USP13: variants seen among roughly 807,000 people sequenced by gnomAD.
USP13 encodes the protein ubiquitin carboxyl-terminal hydrolase 13.
In USP13, 68 loss-of-function variants were observed where a neutral mutation model predicts 107.8. The observed-to-expected ratio is 0.63, with a 90% CI of 0.52 to 0.77. The LOEUF is 0.77. USP13 is among the 30% of genes least tolerant of loss of function. The pLI, the probability that USP13 is intolerant of heterozygous loss-of-function variation, is 0.00. For missense variants in USP13, 945 were observed against 1,093.3 expected (o/e 0.86, Z 1.91); for synonymous variants, 377 against 389.5 (o/e 0.97, Z 0.38).
chr3:179,746,187 A>G (rs1247241077), intron 13 of USP13, among the ~76,000 whole-genome samples: 1 of 147,374 alleles, frequency 6.8e-6, no homozygotes, highest in East Asian at 1.9e-4. Flanking sequence ...CTATATATAT[A>G]TATATAAAAT....
chr3:179,658,111 C>T (rs545349145), intron 1 of USP13, among the ~76,000 whole-genome samples: 52 of 152,198 alleles, frequency 3.4e-4, no homozygotes, highest in Admixed American at 1.4e-3. Flanking sequence ...CCCACCACCA[C>T]GCCTGGCTAA....
chr3:179,765,097 T>A (rs994250522), intron 18 of USP13, among the ~76,000 whole-genome samples: 1 of 152,214 alleles, frequency 6.6e-6, no homozygotes, highest in African/African-American at 2.4e-5. Flanking sequence ...GATGGAAATA[T>A]TTTTATGGTC....
At position 179,742,182 on chromosome 3, in the gene USP13, C is replaced by T. The variant is rs757359622; in HGVS notation, c.1381-15C>T. On this transcript the variant is annotated splice_polypyrimidine_tract_variant and intron_variant, in intron 11 of 20. Transcript: ENST00000263966. This position sits in a 1 kb window ranked among gnomAD's most constrained non-coding sequence, Gnocchi z 5.0. The stretch of plus-strand genomic sequence containing the variant: ...TATTCATACATTTACTAACCTGATA[C>T]AATCCATCCTTCAGAGGAACCGCAT... The T allele has an allele frequency of 1.2e-6, 2 of 1,614,140 alleles. No homozygotes were observed. The highest frequency in any genetic ancestry group is 1.1e-5 in the South Asian group (1 of 91,076).
intron 1 of USP13, among the ~76,000 whole-genome samples, chr3:179,657,914 G>A (rs1199629087): frequency 6.6e-6 from 1 of 152,090 alleles, no homozygotes; most frequent in East Asian, 1.9e-4. Context: ...AAGCCTCCCT[G>A]GACCAGCATG....
intron 1 of USP13, among the ~76,000 whole-genome samples, chr3:179,657,033 A>G (rs1720285476): frequency 2.0e-5 from 3 of 152,214 alleles, no homozygotes; most frequent in Admixed American, 2.0e-4. Context: ...GTCGTGAAGG[A>G]GAGAGCCCAG....
At chr3:179,686,609 ATCTT>A (rs1487249649) in intron 2 of USP13, among the ~76,000 whole-genome samples, 1 of 152,180 alleles carries the variant, frequency 6.6e-6, no homozygotes, top group African/African-American at 2.4e-5. Flanking sequence ...CCACACAACC[ATCTT>A]TCTAATTTGT....
intron 10 of USP13, among the ~76,000 whole-genome samples, chr3:179,733,699 A>G (rs1220961904): frequency 1.3e-5 from 2 of 152,210 alleles, no homozygotes; most frequent in African/African-American, 4.8e-5. Flanking sequence ...GGGAGAGAGC[A>G]TGAAGGATGG....
chr3:179,654,758 T>G (rs970921154), intron 1 of USP13, among the ~76,000 whole-genome samples: 2 of 152,318 alleles, frequency 1.3e-5, no homozygotes, highest in Admixed American at 6.5e-5. Context: ...AGCGGCAACA[T>G]TTCCAAAGTT....
In USP13 at chr3:179,721,890, C is replaced by A. The variant is rs188670652; in HGVS notation, c.1088+301C>A. Among the ~76,000 whole-genome samples, 314 of 151,816 alleles carry A rather than the reference C, an allele frequency of 2.1e-3. 1 individual carries two copies. The highest frequency in any genetic ancestry group is 0.014 in the Middle Eastern group (4 of 294). On this transcript the variant is annotated intron_variant, in intron 8 of 20. Coordinates refer to ENST00000263966, the MANE Select transcript of USP13 (RefSeq NM_003940.3). This position sits in a 1 kb window ranked among gnomAD's most constrained non-coding sequence, Gnocchi z 4.3. ...TTCAAGACCAGCCTGACCAACATGA[C>A]GAAACCCGTCTCTACTAAAAATACA...
At chr3:179,688,147 A>G (rs1711952737) in intron 2 of USP13, among the ~76,000 whole-genome samples, 1 of 146,908 alleles carries the variant, frequency 6.8e-6, no homozygotes, top group East Asian at 2.0e-4. Flanking sequence ...CCATCCATCC[A>G]TCCGTATATC....
At chr3:179,704,818 A>G (rs1488704830) in intron 4 of USP13, among the ~76,000 whole-genome samples, 1 of 152,166 alleles carries the variant, frequency 6.6e-6, no homozygotes, top group Non-Finnish European at 1.5e-5. Flanking sequence ...AATGGATTAT[A>G]AGCTTGTTGA....
rs770943616 is a variant in USP13, at chr3:179,682,052, G to A, written c.294+49G>A. ...CTGGCCTTGATGTCTTCCCTGTAAC[G>A]TTGTCTCAGTGTGCTTTCTCACGTG... On this transcript the variant is annotated intron_variant, in intron 2 of 20. Coordinates refer to ENST00000263966, the MANE Select transcript of USP13 (RefSeq NM_003940.3). 1.6e-5 allele frequency: 25 copies of A among 1,565,184 alleles called. No individual in the cohort carries two copies. In the South Asian group the frequency reaches 1.8e-4, roughly 11 times the overall value.
intron 19 of USP13, among the ~76,000 whole-genome samples, chr3:179,775,379 T>A (rs1365377231): frequency 6.6e-6 from 1 of 152,208 alleles, no homozygotes; most frequent in East Asian, 1.9e-4. Context: ...GAGTGCTGAT[T>A]GGTGCATATA....
chr3:179,728,202 G>A (rs1203444006), intron 8 of USP13, among the ~76,000 whole-genome samples: 17 of 144,192 alleles, frequency 1.2e-4, no homozygotes, highest in African/African-American at 4.3e-4. Context: ...GCGGGGGGCT[G>A]ACCCCCCCAC....
At chr3:179,744,919 G>A in intron 12 of USP13, 124 bp from the exon 13 acceptor site, 1 of 1,196,200 alleles carries the variant, frequency 8.4e-7, no homozygotes, top group Non-Finnish European at 1.2e-6. Flanking sequence ...GCTCTGTAAA[G>A]GGCGACAAAT....
chr3:179,724,196 G>A (rs943489268), intron 8 of USP13, among the ~76,000 whole-genome samples: 8 of 151,812 alleles, frequency 5.3e-5, no homozygotes, highest in African/African-American at 9.7e-5. Context: ...AGTGGCTCAC[G>A]CCTGTAATCC....
chr3:179,764,247 A>G (rs1715104447), intron 18 of USP13, 79 bp downstream of exon 18: 22 of 1,498,698 alleles, frequency 1.5e-5, no homozygotes, highest in Middle Eastern at 2.3e-4. Context: ...AGACTTTCCA[A>G]TGTACTTTGA....
At chr3:179,673,464 C>A (rs1720805298) in intron 1 of USP13, among the ~76,000 whole-genome samples, 1 of 152,164 alleles carries the variant, frequency 6.6e-6, no homozygotes, top group Non-Finnish European at 1.5e-5. Context: ...AATTTTCCTG[C>A]CTTCAAGGAG....
At chr3:179,735,669 A>G (rs974057076) in intron 10 of USP13, among the ~76,000 whole-genome samples, 1 of 151,934 alleles carries the variant, frequency 6.6e-6, no homozygotes, top group African/African-American at 2.4e-5. Context: ...CTTTTCACCT[A>G]TAGATGTAGT....
Sources: allele counts gnomAD v4.1 joint callset (sites outside exome capture counted in the v4.1 genomes callset), GRCh38; gene constraint gnomAD v4.1.1; non-coding constraint Gnocchi (gnomAD v3.1); transcripts MANE v1.5; gene names NCBI Gene and HGNC (gene_info 2026-07-23, HGNC 2026-07-21).